Variants in GRM7 observed in about 807,000 individuals in gnomAD.
The protein encoded by GRM7 is metabotropic glutamate receptor 7.
GRM7 carries 35 observed loss-of-function variants against 84.5 expected under a neutral mutation model. The ratio of observed to expected loss-of-function variants is 0.41; its 90% CI spans 0.32 to 0.55. GRM7 has a LOEUF of 0.55. Among genes scored for constraint, GRM7 ranks in the 20% least tolerant of loss-of-function variants. GRM7 has a pLI of 0.19. For synonymous variants in GRM7, 487 were observed against 455.1 expected (o/e 1.07, Z -0.89); for missense variants, 1,003 against 1,194.6 (o/e 0.84, Z 2.36).
intron 1 of GRM7, among the ~76,000 whole-genome samples, chr3:6,895,789 A>G (rs749791398): frequency 1.4e-4 from 21 of 152,202 alleles, no homozygotes; most frequent in Non-Finnish European, 2.8e-4. Context: ...TATCCACATA[A>G]TATTTAGCTG....
chr3:7,589,125 C>T (rs1695655906), intron 8 of GRM7, among the ~76,000 whole-genome samples: 1 of 152,198 alleles, frequency 6.6e-6, no homozygotes, highest in East Asian at 1.9e-4. Context: ...GGCCAAATTA[C>T]ATTGTTGATG....
intron 2 of GRM7, among the ~76,000 whole-genome samples, chr3:7,193,682 C>CT (rs1695789500): frequency 1.3e-5 from 2 of 151,406 alleles, no homozygotes; most frequent in Non-Finnish European, 3.0e-5. Flanking sequence ...CTCTCTCTCT[C>CT]CCCCTCCCTT....
intron 7 of GRM7, among the ~76,000 whole-genome samples, chr3:7,533,697 T>G (rs1701129962): frequency 2.0e-5 from 3 of 152,198 alleles, no homozygotes; most frequent in Non-Finnish European, 2.9e-5. Flanking sequence ...AGTGATTGAC[T>G]GTCATCTTCC....
intron 1 of GRM7, among the ~76,000 whole-genome samples, chr3:6,973,161 G>T (rs1693830199): frequency 1.3e-5 from 2 of 152,186 alleles, no homozygotes; most frequent in South Asian, 4.1e-4. Flanking sequence ...GTTAGTTTTA[G>T]AAGTGCTTTG....
intron 1 of GRM7, chr3:6,892,970 T>C (rs1226366043): frequency 6.6e-6 from 1 of 152,206 alleles, no homozygotes; most frequent in Non-Finnish European, 1.5e-5. Context: ...GTCCTCTTTC[T>C]GTCATGACCT....
At chr3:7,421,098 G>A (rs1425351300) in intron 5 of GRM7, among the ~76,000 whole-genome samples, 2 of 152,156 alleles carry the variant, frequency 1.3e-5, no homozygotes, top group African/African-American at 4.8e-5. Flanking sequence ...ATCATAGTAA[G>A]TGTCATGCTA....
chr3:7,024,426 A>G (rs1695898238), intron 1 of GRM7, among the ~76,000 whole-genome samples: 1 of 152,258 alleles, frequency 6.6e-6, no homozygotes, highest in Admixed American at 6.5e-5. Flanking sequence ...CATTAGCACC[A>G]TGCCATAGAG....
chr3:6,905,243 A>G (rs1696532219), intron 1 of GRM7, among the ~76,000 whole-genome samples: 1 of 152,172 alleles, frequency 6.6e-6, no homozygotes, highest in Non-Finnish European at 1.5e-5. Flanking sequence ...ATCCTTAACT[A>G]GTGTGTATTT....
chr3:7,243,673 C>T lies in GRM7; in HGVS notation c.737-55011C>T, dbSNP rs561170279. Among the ~76,000 whole-genome samples the T allele has an allele frequency of 9.2e-5, 14 of 152,174 alleles. No individual in the cohort carries two copies. The South Asian group carries it at 2.9e-3, about 32-fold the overall frequency. ...CTTTGTGTCAGTGTAAGCCCAGATA[C>T]ACTCATATATCACTTAATGACAGGA... On this transcript the variant is annotated intron_variant, in intron 2 of 9. Coordinates refer to ENST00000357716, the MANE Select transcript of GRM7 (RefSeq NM_000844.4).
At chr3:7,334,115 G>A (rs1701311319) in intron 4 of GRM7, among the ~76,000 whole-genome samples, 1 of 151,918 alleles carries the variant, frequency 6.6e-6, no homozygotes, top group African/African-American at 2.4e-5. Flanking sequence ...AGAACACCCA[G>A]GAAATTCATT....
At chr3:7,356,181 T>C (rs1475417270) in intron 4 of GRM7, among the ~76,000 whole-genome samples, 1 of 152,054 alleles carries the variant, frequency 6.6e-6, no homozygotes, top group African/African-American at 2.4e-5. Flanking sequence ...GATGGGCAAA[T>C]TGGTGACAAG....
chr3:7,493,880 G>C (rs1394978691), intron 7 of GRM7, among the ~76,000 whole-genome samples: 2 of 151,896 alleles, frequency 1.3e-5, no homozygotes, highest in Non-Finnish European at 2.9e-5. Context: ...ATATGTACAT[G>C]ACCTTTAATA....
intron 7 of GRM7, among the ~76,000 whole-genome samples, chr3:7,481,264 G>A (rs569713412): frequency 6.6e-6 from 1 of 152,112 alleles, no homozygotes; most frequent in African/African-American, 2.4e-5. Context: ...TTTTTGTAGA[G>A]ACAGGATCTC....
At chr3:7,403,306 A>G in intron 4 of GRM7, 1 of 179,984 alleles carries the variant, frequency 5.6e-6, no homozygotes. Context: ...ATAATTCCTA[A>G]AAAAACTTGC....
chr3:7,090,453 T>C (rs1193509286), intron 1 of GRM7, among the ~76,000 whole-genome samples: 1 of 152,188 alleles, frequency 6.6e-6, no homozygotes, highest in Admixed American at 6.5e-5. Flanking sequence ...CATAGCATTC[T>C]TTCAAATGCA....
At chr3:7,257,894 A>G (rs115008053) in intron 2 of GRM7, among the ~76,000 whole-genome samples, 5,000 of 152,228 alleles carry the variant, frequency 0.033, 148 homozygotes, top group African/African-American at 0.081. Context: ...ATGGGTGATT[A>G]GCCTCAAGAA....
intron 8 of GRM7, among the ~76,000 whole-genome samples, chr3:7,635,618 G>T (rs1034238453): frequency 6.6e-6 from 1 of 152,098 alleles, no homozygotes; most frequent in Non-Finnish European, 1.5e-5. Context: ...TCTGAGGCCC[G>T]CAGTCCTCTA....
intron 7 of GRM7, among the ~76,000 whole-genome samples, chr3:7,505,184 G>A (rs1700003858): frequency 6.6e-6 from 1 of 152,204 alleles, no homozygotes; most frequent in Non-Finnish European, 1.5e-5. Context: ...ACTCTGTGTT[G>A]CCTCCAGGAC....
intron 4 of GRM7, among the ~76,000 whole-genome samples, chr3:7,337,273 C>T (rs920018071): frequency 1.3e-5 from 2 of 151,802 alleles, no homozygotes; most frequent in African/African-American, 2.4e-5. Flanking sequence ...CAAGATGAAT[C>T]GAAGACTTAA....
Sources: allele counts gnomAD v4.1 joint callset (sites outside exome capture counted in the v4.1 genomes callset), GRCh38; gene constraint gnomAD v4.1.1; transcripts MANE v1.5; gene names NCBI Gene and HGNC (gene_info 2026-07-23, HGNC 2026-07-21).